ANTXR1: variants seen among roughly 807,000 people sequenced by gnomAD.
ANTXR1 encodes anthrax toxin receptor 1.
Under a neutral mutation model 78.1 loss-of-function variants are expected in ANTXR1, and 19 were observed. The ratio of observed to expected loss-of-function variants is 0.24; its 90% CI spans 0.17 to 0.36. The LOEUF (loss-of-function observed/expected upper bound fraction) is 0.36. Ranked by LOEUF, ANTXR1 falls within the 10% of genes least tolerant of loss-of-function variation. The pLI is 1.00. For missense variants in ANTXR1, 518 were observed against 718.6 expected (o/e 0.72, Z 3.19); for synonymous variants, 273 against 260.5 (o/e 1.05, Z -0.46).
intron 3 of ANTXR1, among the ~76,000 whole-genome samples, chr2:69,069,703 T>G (rs910806956): frequency 6.6e-6 from 1 of 152,222 alleles, no homozygotes; most frequent in South Asian, 2.1e-4. Flanking sequence ...CAGTGGTTAT[T>G]ATGAGGGTGA....
chr2:69,162,072 C>T (rs1490384795), intron 13 of ANTXR1, among the ~76,000 whole-genome samples: 2 of 151,866 alleles, frequency 1.3e-5, no homozygotes, highest in Non-Finnish European at 2.9e-5. Context: ...GACTCCACAG[C>T]AAAAGAAAAA....
At chr2:69,042,746 C>CA (rs1164890144) in intron 2 of ANTXR1, among the ~76,000 whole-genome samples, 1 of 152,188 alleles carries the variant, frequency 6.6e-6, no homozygotes, top group Non-Finnish European at 1.5e-5. Context: ...CCTCCCCACC[C>CA]TTCACCTGCT....
At chr2:69,236,212 T>C (rs557495231) in intron 17 of ANTXR1, among the ~76,000 whole-genome samples, 1 of 152,084 alleles carries the variant, frequency 6.6e-6, no homozygotes, top group African/African-American at 2.4e-5. Flanking sequence ...GTAAAAAAGA[T>C]CAATAAAAAA....
At chr2:69,042,482 T>C (rs1204375021) in intron 2 of ANTXR1, among the ~76,000 whole-genome samples, 4 of 152,180 alleles carry the variant, frequency 2.6e-5, no homozygotes, top group Non-Finnish European at 5.9e-5. Context: ...GTCTCCAGTT[T>C]CCTCCAGGTC....
chr2:69,077,937 T>C (rs1326403846), intron 8 of ANTXR1, among the ~76,000 whole-genome samples: 5 of 152,232 alleles, frequency 3.3e-5, no homozygotes, highest in African/African-American at 1.2e-4. Flanking sequence ...AAAGCACTGC[T>C]GCCTAGGCAT....
intron 1 of ANTXR1, among the ~76,000 whole-genome samples, chr2:69,018,783 C>T (rs1045197991): frequency 6.6e-6 from 1 of 152,154 alleles, no homozygotes; most frequent in African/African-American, 2.4e-5. Context: ...TAGAGTTGGG[C>T]CATAATGAGA....
chr2:69,064,489 A>G (rs546056165), intron 3 of ANTXR1, among the ~76,000 whole-genome samples: 2 of 152,344 alleles, frequency 1.3e-5, no homozygotes, highest in East Asian at 1.9e-4. Flanking sequence ...AGCAAGTTAC[A>G]TGGCCACATG....
At chr2:69,142,410 C>CT (rs1673094361) in intron 12 of ANTXR1, among the ~76,000 whole-genome samples, 1 of 152,182 alleles carries the variant, frequency 6.6e-6, no homozygotes. Context: ...CTTCTAGGGG[C>CT]TTCTAATTCA....
At chr2:69,184,863 A>T (rs1674381517) in intron 16 of ANTXR1, among the ~76,000 whole-genome samples, 1 of 152,194 alleles carries the variant, frequency 6.6e-6, no homozygotes, top group Non-Finnish European at 1.5e-5. Context: ...GAGTGATTTA[A>T]AAAATACAGA....
At chr2:69,207,757 C>G (rs1674943511) in intron 17 of ANTXR1, among the ~76,000 whole-genome samples, 1 of 152,106 alleles carries the variant, frequency 6.6e-6, no homozygotes, top group Non-Finnish European at 1.5e-5. Context: ...TAGCTTGTAC[C>G]CACATTCAGC....
chr2:69,015,747 T>G (rs4522642), intron 1 of ANTXR1, among the ~76,000 whole-genome samples: 34,616 of 151,964 alleles, frequency 0.23, 6,543 homozygotes, highest in African/African-American at 0.52. Context: ...TTGAATATAT[T>G]AAAATTTTAC....
chr2:69,239,039 C>G (rs1675838323), intron 17 of ANTXR1, among the ~76,000 whole-genome samples: 1 of 152,140 alleles, frequency 6.6e-6, no homozygotes, highest in African/African-American at 2.4e-5. Flanking sequence ...CCCACAAACC[C>G]AAATTCAGAA....
At chr2:69,214,857 G>A (rs1189927427) in intron 17 of ANTXR1, among the ~76,000 whole-genome samples, 2 of 152,162 alleles carry the variant, frequency 1.3e-5, no homozygotes, top group Admixed American at 1.3e-4. Context: ...TAGTTTCCTT[G>A]ACACAGGCAG....
Position 69,023,284 on chromosome 2 carries a change from G to T in ANTXR1, c.152+9633G>T, listed in dbSNP as rs550515298. 9.6e-3 allele frequency among the ~76,000 whole-genome samples: 1,460 copies of T among 152,318 alleles called. 23 individuals are homozygous for T. Among genetic ancestry groups the T allele is most frequent in the African/African-American group, 0.033 (1,375 of 41,564 alleles). On this transcript the variant is annotated intron_variant, in intron 1 of 17. Transcript: ENST00000303714. ...TGGTGATGGTGATGGTTATGGTGGT[G>T]GAGGTGGACGTGATGATAAAGATGA...
chr2:69,210,426 G>A (rs1427838869), intron 17 of ANTXR1, among the ~76,000 whole-genome samples: 1 of 152,136 alleles, frequency 6.6e-6, no homozygotes, highest in African/African-American at 2.4e-5. Context: ...CGTGTCAGTG[G>A]GAATAACCAA....
chr2:69,015,467 T>G (rs1670997647), intron 1 of ANTXR1, among the ~76,000 whole-genome samples: 1 of 151,860 alleles, frequency 6.6e-6, no homozygotes, highest in Non-Finnish European at 1.5e-5. Context: ...ATGTAAACAT[T>G]TAGTGGAATT....
At chr2:69,072,916 T>G in intron 5 of ANTXR1, 106 bp from the exon 6 acceptor site, 1 of 1,123,912 alleles carries the variant, frequency 8.9e-7, no homozygotes, top group South Asian at 1.2e-5. Flanking sequence ...TCTCACAATA[T>G]TGACTTTGGG....
intron 12 of ANTXR1, among the ~76,000 whole-genome samples, chr2:69,129,240 T>G (rs1240681326): frequency 6.6e-6 from 1 of 152,232 alleles, no homozygotes; most frequent in Non-Finnish European, 1.5e-5. Flanking sequence ...GAAAAGAGAT[T>G]TGTCCTTTTG....
chr2:69,193,239 AC>A, intron 16 of ANTXR1, 95 bp from the exon 17 acceptor site: 1 of 968,152 alleles, frequency 1.0e-6, no homozygotes, highest in Admixed American at 1.7e-5. Flanking sequence ...TGTGTTGTTC[AC>A]ATGACTGAAG....
Sources: allele counts gnomAD v4.1 joint callset (sites outside exome capture counted in the v4.1 genomes callset), GRCh38; gene constraint gnomAD v4.1.1; transcripts MANE v1.5; gene names NCBI Gene and HGNC (gene_info 2026-07-23, HGNC 2026-07-21).